Variants in ANKFN1 observed in about 807,000 individuals in gnomAD.
The protein encoded by ANKFN1 is ankyrin repeat and fibronectin type III domain containing 1, also known as ankyrin repeat and fibronectin type-III domain-containing protein 1.
Under a neutral mutation model 108.7 loss-of-function variants are expected in ANKFN1, and 74 were observed. The ratio of observed to expected loss-of-function variants is 0.68; its 90% CI spans 0.56 to 0.83. ANKFN1 has a LOEUF of 0.83. Ranked by LOEUF, ANKFN1 falls within the 40% of genes least tolerant of loss-of-function variation. The pLI is 0.00. For missense variants in ANKFN1, 1,505 were observed against 1,382.3 expected (o/e 1.09, Z -1.41); for synonymous variants, 547 against 516.2 (o/e 1.06, Z -0.81).
intron 3 of ANKFN1, among the ~76,000 whole-genome samples, chr17:56,262,583 A>C (rs1475503731): frequency 6.6e-6 from 1 of 152,186 alleles, no homozygotes; most frequent in African/African-American, 2.4e-5. Context: ...TTATCAGAGT[A>C]GGTGGGAAGG....
At chr17:56,447,091 C>T (rs1227671303) in intron 10 of ANKFN1, among the ~76,000 whole-genome samples, 1 of 151,984 alleles carries the variant, frequency 6.6e-6, no homozygotes, top group Non-Finnish European at 1.5e-5. Flanking sequence ...GGCCTGCTGG[C>T]ACACACCTGT....
At chr17:56,338,158 T>C (rs1240177140) in intron 4 of ANKFN1, among the ~76,000 whole-genome samples, 1 of 152,114 alleles carries the variant, frequency 6.6e-6, no homozygotes, top group African/African-American at 2.4e-5. Flanking sequence ...TGCAGAGACA[T>C]GGATGAAGCT....
intron 8 of ANKFN1, among the ~76,000 whole-genome samples, chr17:56,380,198 A>G (rs1003516921): frequency 4.6e-5 from 7 of 152,214 alleles, no homozygotes; most frequent in Non-Finnish European, 1.0e-4. Context: ...CATGCTAGCT[A>G]TATTTTACAG....
chr17:56,262,087 G>A (rs530232842), intron 3 of ANKFN1, among the ~76,000 whole-genome samples: 36 of 152,284 alleles, frequency 2.4e-4, no homozygotes, highest in African/African-American at 8.4e-4. Context: ...AGCCCTCCAA[G>A]AATTCTGATA....
intron 3 of ANKFN1, among the ~76,000 whole-genome samples, chr17:56,252,968 G>T (rs528780499): frequency 1.3e-5 from 2 of 152,246 alleles, no homozygotes; most frequent in Middle Eastern, 3.4e-3. Context: ...AGGGTGAGGT[G>T]GGGGGATTGC....
chr17:56,388,750 G>C (rs188815998), intron 8 of ANKFN1, among the ~76,000 whole-genome samples: 2 of 151,902 alleles, frequency 1.3e-5, no homozygotes, highest in East Asian at 3.9e-4. Context: ...ATTTCCCCAA[G>C]AGTAGTATCT....
chr17:56,447,717 G>C (rs1014210227), intron 10 of ANKFN1, among the ~76,000 whole-genome samples: 1 of 152,174 alleles, frequency 6.6e-6, no homozygotes, highest in African/African-American at 2.4e-5. Flanking sequence ...TATATTTACA[G>C]AATGCCTATC....
Position 56,261,750 on chromosome 17 carries a change from C to T in ANKFN1, c.53+33793C>T, listed in dbSNP as rs2043516674. On this transcript the variant is annotated intron_variant, in intron 3 of 20. Coordinates refer to ENST00000682825, the MANE Select transcript of ANKFN1 (RefSeq NM_001370326.1). ...CCTGCTTTTATTGTAGCCATGCTGGCAGCTGATTAGATGGTGCCCACCCGG... is the reference window on the plus strand; with the variant it reads ...CCTGCTTTTATTGTAGCCATGCTGGTAGCTGATTAGATGGTGCCCACCCGG... Among the ~76,000 whole-genome samples, 2 of 152,190 alleles carry T rather than the reference C, an allele frequency of 1.3e-5. 1 individual carries two copies. The highest frequency in any genetic ancestry group is 4.1e-4 in the South Asian group (2 of 4,824).
At chr17:56,431,393 G>T (rs986836904) in intron 8 of ANKFN1, among the ~76,000 whole-genome samples, 1 of 152,146 alleles carries the variant, frequency 6.6e-6, no homozygotes, top group Admixed American at 6.5e-5. Flanking sequence ...TCCTCCCTGG[G>T]CACAGGGTAA....
intron 3 of ANKFN1, among the ~76,000 whole-genome samples, chr17:56,281,035 A>G (rs770947331): frequency 2.0e-5 from 3 of 152,228 alleles, no homozygotes; most frequent in Admixed American, 1.3e-4. Context: ...ACCTTCTGCC[A>G]TGATTGTGAG....
rs74480003 is a variant in ANKFN1, at chr17:56,154,843, G to A, written c.-71+1313G>A. ...GGGGTATGATTACCATTTGTTCCAT[G>A]AAGTGTAGAGCTAGGACTAGTCTTG... is the stretch of plus-strand genomic sequence containing the variant. On this transcript the variant is annotated intron_variant, in intron 1 of 20. Transcript: ENST00000682825. Among the ~76,000 whole-genome samples, 620 of 152,228 alleles carry A rather than the reference G, an allele frequency of 4.1e-3. 3 individuals carry two copies. The highest frequency in any genetic ancestry group is 7.3e-3 in the Non-Finnish European group (496 of 68,012).
chr17:56,390,567 T>C (rs895300356), intron 8 of ANKFN1, among the ~76,000 whole-genome samples: 12 of 152,180 alleles, frequency 7.9e-5, no homozygotes, highest in East Asian at 5.8e-4. Flanking sequence ...TACCCAGTAA[T>C]GGGATTGCTG....
chr17:56,355,532 A>G (rs576550388), intron 6 of ANKFN1, among the ~76,000 whole-genome samples: 1 of 152,334 alleles, frequency 6.6e-6, no homozygotes, highest in South Asian at 2.1e-4. Flanking sequence ...GACCATGGTC[A>G]GTGTTCAACT....
At chr17:56,139,657 C>G (rs958730000) in intron 4 of ANKFN1, among the ~76,000 whole-genome samples, 2 of 152,148 alleles carry the variant, frequency 1.3e-5, no homozygotes, top group Admixed American at 1.3e-4. Flanking sequence ...CAAACTCAGC[C>G]TGAAGAAGTG....
chr17:56,447,226 AAAAAAG>A (rs888835240), intron 10 of ANKFN1, among the ~76,000 whole-genome samples: 1 of 152,232 alleles, frequency 6.6e-6, no homozygotes, highest in East Asian at 1.9e-4. Flanking sequence ...CTTTCTCAGA[AAAAAAG>A]AAAAAGAAAA....
intron 3 of ANKFN1, among the ~76,000 whole-genome samples, chr17:56,318,630 G>A (rs1264474548): frequency 6.6e-6 from 1 of 152,132 alleles, no homozygotes; most frequent in African/African-American, 2.4e-5. Context: ...TACAAGGAGA[G>A]AGGAGAAAGA....
chr17:56,178,148 T>C (rs1911346475), intron 1 of ANKFN1, among the ~76,000 whole-genome samples: 1 of 152,170 alleles, frequency 6.6e-6, no homozygotes, highest in South Asian at 2.1e-4. Context: ...TGTAGGATTC[T>C]TCAGAGGGAG....
intron 1 of ANKFN1, among the ~76,000 whole-genome samples, chr17:56,164,585 CACAGCTTTCT>C (rs1909977382): frequency 6.6e-6 from 1 of 152,142 alleles, no homozygotes; most frequent in Admixed American, 6.5e-5. Context: ...GATTTAGAGA[CACAGCTTTCT>C]TAATATCAAC....
chr17:56,348,348 A>G (rs888081124), intron 4 of ANKFN1, among the ~76,000 whole-genome samples: 1 of 152,082 alleles, frequency 6.6e-6, no homozygotes, highest in Non-Finnish European at 1.5e-5. Context: ...CCTGGACATT[A>G]CTAAGATTGA....
Sources: gnomAD v4.1 joint callset for allele counts (sites outside exome capture counted in the v4.1 genomes callset) on GRCh38, gnomAD v4.1.1 for gene constraint, MANE v1.5 for transcripts, NCBI Gene and HGNC (gene_info 2026-07-23, HGNC 2026-07-21) for gene names.